Variants in ZSCAN5A observed in about 807,000 individuals in gnomAD.
ZSCAN5A encodes the protein zinc finger and SCAN domain-containing protein 5A.
ZSCAN5A carries 12 observed loss-of-function variants against 23.7 expected under a neutral mutation model. That is an observed-to-expected ratio of 0.51 (90% confidence interval 0.32 to 0.82). The LOEUF is 0.82. Ranked by LOEUF, ZSCAN5A falls within the 40% of genes least tolerant of loss-of-function variation. The pLI, the probability that ZSCAN5A is intolerant of heterozygous loss-of-function variation, is 0.03. For synonymous variants in ZSCAN5A, 257 were observed against 239.9 expected (o/e 1.07, Z -0.66); for missense variants, 597 against 617.9 (o/e 0.97, Z 0.36).
chr19:56,228,305 C>T (rs1407018872), intron 2 of ZSCAN5A: 2 of 985,388 alleles, frequency 2.0e-6, no homozygotes, highest in African/African-American at 1.7e-5. Flanking sequence ...GCTCTCCAAC[C>T]GGCCTGGAGC....
intron 2 of ZSCAN5A, among the ~76,000 whole-genome samples, chr19:56,353,385 G>A (rs1234206609): frequency 6.6e-6 from 1 of 152,232 alleles, no homozygotes; most frequent in Non-Finnish European, 1.5e-5. Context: ...TGGTGCCATT[G>A]TTTTACTGGG....
intron 2 of ZSCAN5A, among the ~76,000 whole-genome samples, chr19:56,343,825 C>G (rs931001153): frequency 3.3e-5 from 5 of 152,106 alleles, no homozygotes; most frequent in Admixed American, 2.0e-4. Flanking sequence ...TTGAATTAGA[C>G]AAAAGAGTGT....
chr19:56,296,991 C>T (rs1301882230), intron 2 of ZSCAN5A, among the ~76,000 whole-genome samples: 1 of 152,016 alleles, frequency 6.6e-6, no homozygotes, highest in Non-Finnish European at 1.5e-5. Flanking sequence ...ATCACTTGAA[C>T]CTGGGAAGCA....
intron 2 of ZSCAN5A, chr19:56,263,777 T>A (rs1555799688): frequency 1.3e-5 from 2 of 152,056 alleles, no homozygotes; most frequent in Non-Finnish European, 2.9e-5. Context: ...ATAGATTTCA[T>A]AAGAACCTCT....
rs200236800 is a variant in ZSCAN5A at position 56,222,034 on chromosome 19, G to A, written c.1032C>T (p.His344=). 183 of 1,614,218 alleles carry A rather than the reference G, an allele frequency of 1.1e-4. No homozygotes were observed. In the Admixed American group the frequency reaches 1.2e-3, roughly 10 times the overall value. The change falls in exon 6 of 6, where the codon CAC becomes CAT. Residue 344 remains histidine (H), a synonymous_variant. Coordinates refer to ENST00000683990, the MANE Select transcript of ZSCAN5A (RefSeq NM_001322064.3). ...GTGCCTTGGCTTCTTGGCCATCCGG[G>A]TGACTGACTGGGCTCGCAGGGCCTG... ...HSPGPASPVS[H]PDGQEAKALP...
chr19:56,329,007 A>T (rs529673434), intron 2 of ZSCAN5A, among the ~76,000 whole-genome samples: 25 of 137,782 alleles, frequency 1.8e-4, no homozygotes, highest in Admixed American at 2.8e-4. Flanking sequence ...AAAAAAAAAA[A>T]AATAAATAAA....
chr19:56,269,524 G>C (rs1038971485), intron 2 of ZSCAN5A, among the ~76,000 whole-genome samples: 3 of 152,136 alleles, frequency 2.0e-5, no homozygotes, highest in Non-Finnish European at 2.9e-5. Flanking sequence ...TGACCTTGTG[G>C]GGAGATTATC....
At chr19:56,355,182 C>G (rs928314907) in intron 2 of ZSCAN5A, among the ~76,000 whole-genome samples, 3 of 127,794 alleles carry the variant, frequency 2.3e-5, no homozygotes, top group Non-Finnish European at 3.4e-5. Flanking sequence ...ATTTCAGAAG[C>G]TCCACATGAA....
intron 2 of ZSCAN5A, among the ~76,000 whole-genome samples, chr19:56,257,045 T>C (rs1287115855): frequency 2.0e-5 from 3 of 152,160 alleles, no homozygotes; most frequent in African/African-American, 7.2e-5. Flanking sequence ...GGGGAATACC[T>C]GCGTAAGGGC....
chr19:56,273,653 G>A (rs1359875559), intron 2 of ZSCAN5A, among the ~76,000 whole-genome samples: 1 of 152,138 alleles, frequency 6.6e-6, no homozygotes, highest in East Asian at 1.9e-4. Flanking sequence ...AAGGCACTGA[G>A]TCCCTCCATC....
chr19:56,366,894 C>T (rs1047979438), intron 1 of ZSCAN5A, among the ~76,000 whole-genome samples: 1 of 152,090 alleles, frequency 6.6e-6, no homozygotes, highest in Non-Finnish European at 1.5e-5. Context: ...CTCATTTTAC[C>T]AAGTACATCA....
chr19:56,279,532 C>T (rs375151948), intron 2 of ZSCAN5A, among the ~76,000 whole-genome samples: 1 of 152,136 alleles, frequency 6.6e-6, no homozygotes, highest in Non-Finnish European at 1.5e-5. Flanking sequence ...ATTTAAAATA[C>T]GTCATGCAAT....
intron 2 of ZSCAN5A, among the ~76,000 whole-genome samples, chr19:56,357,620 A>T (rs2041707413): frequency 2.7e-5 from 4 of 148,122 alleles, no homozygotes; most frequent in Admixed American, 1.3e-4. Flanking sequence ...GACATTTGAT[A>T]AAAAAATTTG....
chr19:56,288,917 C>G (rs2039325925), intron 2 of ZSCAN5A, among the ~76,000 whole-genome samples: 2 of 152,282 alleles, frequency 1.3e-5, no homozygotes, highest in South Asian at 4.1e-4. Flanking sequence ...GTTTTTGTCT[C>G]TGAAATTAGA....
chr19:56,280,182 G>A (rs150494398), intron 2 of ZSCAN5A, among the ~76,000 whole-genome samples: 14 of 152,242 alleles, frequency 9.2e-5, no homozygotes, highest in South Asian at 2.1e-4. Context: ...AAAAGACAGC[G>A]TATTATACAC....
At chr19:56,362,595 C>T (rs530941296) in intron 2 of ZSCAN5A, among the ~76,000 whole-genome samples, 21 of 151,954 alleles carry the variant, frequency 1.4e-4, no homozygotes, top group African/African-American at 4.1e-4. Context: ...GATGGCCGGA[C>T]GCGGTGGCTC....
chr19:56,360,648 G>A lies in ZSCAN5A; in HGVS notation c.-358+2587C>T, dbSNP rs564771526. 5.3e-5 allele frequency among the ~76,000 whole-genome samples: 8 copies of A among 152,008 alleles called. No individual in the cohort carries two copies. In the South Asian group the frequency reaches 1.5e-3, roughly 28 times the overall value. ...TAGTCACATGCAGAAAATTGAAACT[G>A]GACCCTTTATTACACCTTATACAAA... On this transcript the variant is annotated intron_variant, in intron 2 of 6. Coordinates refer to the ZSCAN5A transcript ENST00000587340.
At chr19:56,367,826 C>T (rs748845723) in intron 1 of ZSCAN5A, 1 of 152,196 alleles carries the variant, frequency 6.6e-6, no homozygotes, top group Non-Finnish European at 1.5e-5. Context: ...CATATCAAAT[C>T]ACATAACCTC....
At chr19:56,248,744 C>CA (rs1050068858) in intron 2 of ZSCAN5A, among the ~76,000 whole-genome samples, 2 of 151,828 alleles carry the variant, frequency 1.3e-5, no homozygotes, top group African/African-American at 4.8e-5. Context: ...ATGACTTTTT[C>CA]AGAGCTGTTT....
Sources: gnomAD v4.1 joint callset for allele counts (sites outside exome capture counted in the v4.1 genomes callset) on GRCh38, gnomAD v4.1.1 for gene constraint, MANE v1.5 for transcripts, NCBI Gene and HGNC (gene_info 2026-07-23, HGNC 2026-07-21) for gene names.